The following RBFOX1 variants were observed in gnomAD, a reference collection of about 807,000 sequenced individuals.
RBFOX1 encodes the protein RNA binding fox-1 homolog 1, also known as RNA binding protein fox-1 homolog 1.
RBFOX1 carries 8 observed loss-of-function variants against 57.7 expected under a neutral mutation model. The observed-to-expected ratio is 0.14, with a 90% CI of 0.08 to 0.25. The LOEUF is 0.25. Ranked by LOEUF, RBFOX1 falls within the 10% of genes least tolerant of loss-of-function variation. The pLI is 1.00. For missense variants in RBFOX1, 611 were observed against 548.5 expected (o/e 1.11, Z -1.14); for synonymous variants, 326 against 222.4 (o/e 1.47, Z -4.15).
chr16:6,534,905 T>C (rs1339150313), intron 2 of RBFOX1, among the ~76,000 whole-genome samples: 1 of 152,158 alleles, frequency 6.6e-6, no homozygotes, highest in Non-Finnish European at 1.5e-5. Context: ...ATCCTAGTGG[T>C]CAAGCCTGGT....
intron 4 of RBFOX1, among the ~76,000 whole-genome samples, chr16:5,909,944 T>C (rs1383343788): frequency 6.6e-6 from 1 of 151,816 alleles, no homozygotes; most frequent in Non-Finnish European, 1.5e-5. Context: ...TCCCAGCTAC[T>C]CAGGAGGCTA....
At chr16:7,555,582 G>A (rs769112992) in intron 5 of RBFOX1, among the ~76,000 whole-genome samples, 5 of 152,144 alleles carry the variant, frequency 3.3e-5, no homozygotes, top group African/African-American at 4.8e-5. Flanking sequence ...ACAAAGACCT[G>A]CGTGACCTGT....
At chr16:7,561,873 A>G (rs1438025477) in intron 5 of RBFOX1, among the ~76,000 whole-genome samples, 1 of 152,184 alleles carries the variant, frequency 6.6e-6, no homozygotes, top group African/African-American at 2.4e-5. Flanking sequence ...CTTGCATAAT[A>G]TATTAGGGGG....
chr16:7,395,913 AG>A (rs1356731405), intron 4 of RBFOX1, among the ~76,000 whole-genome samples: 1 of 152,190 alleles, frequency 6.6e-6, no homozygotes, highest in Non-Finnish European at 1.5e-5. Context: ...AGTAAGTGCC[AG>A]GGTTATCCAA....
intron 3 of RBFOX1, among the ~76,000 whole-genome samples, chr16:6,804,518 C>A (rs1055737276): frequency 6.6e-6 from 1 of 152,042 alleles, no homozygotes; most frequent in Non-Finnish European, 1.5e-5. Context: ...TAATCTTCAT[C>A]CTACAAATAA....
intron 3 of RBFOX1, among the ~76,000 whole-genome samples, chr16:7,013,351 C>A (rs932415403): frequency 6.6e-6 from 1 of 152,128 alleles, no homozygotes. Flanking sequence ...AAACATAAAC[C>A]AGTCCCTCTC....
chr16:6,936,024 G>T (rs559078559), intron 3 of RBFOX1, among the ~76,000 whole-genome samples: 2 of 152,184 alleles, frequency 1.3e-5, no homozygotes, highest in African/African-American at 2.4e-5. Context: ...ATAATGGCAA[G>T]AGGGTTTCTT....
At chr16:5,592,809 C>T (rs1245469684) in intron 2 of RBFOX1, among the ~76,000 whole-genome samples, 1 of 152,166 alleles carries the variant, frequency 6.6e-6, no homozygotes, top group Non-Finnish European at 1.5e-5. Flanking sequence ...TTTCTCTTGG[C>T]GTCCAGAATT....
intron 2 of RBFOX1, among the ~76,000 whole-genome samples, chr16:6,376,368 A>G (rs150318721): frequency 4.5e-4 from 69 of 152,314 alleles, no homozygotes; most frequent in African/African-American, 1.6e-3. Context: ...TTAAAAAAGC[A>G]GACATCCATT....
At chr16:7,549,642 G>C (rs1392078392) in intron 5 of RBFOX1, among the ~76,000 whole-genome samples, 1 of 152,180 alleles carries the variant, frequency 6.6e-6, no homozygotes, top group African/African-American at 2.4e-5. Context: ...CCTGGAGTCT[G>C]TTGTTCAAGG....
At chr16:7,096,112 A>G (rs1160198764) in intron 4 of RBFOX1, among the ~76,000 whole-genome samples, 1 of 152,218 alleles carries the variant, frequency 6.6e-6, no homozygotes. Flanking sequence ...CCCAGGAGAC[A>G]TGATATGATC....
chr16:6,110,235 T>C (rs2096430579), intron 1 of RBFOX1, among the ~76,000 whole-genome samples: 1 of 150,872 alleles, frequency 6.6e-6, no homozygotes, highest in African/African-American at 2.4e-5. Context: ...TTTAGCTCTC[T>C]GGTACCCTGG....
chr16:5,869,206 T>C (rs1285461909), intron 4 of RBFOX1, among the ~76,000 whole-genome samples: 1 of 152,118 alleles, frequency 6.6e-6, no homozygotes, highest in African/African-American at 2.4e-5. Context: ...CATGAAGGAC[T>C]GATTGCGCTT....
chr16:7,155,173 A>G (rs1368986008), intron 4 of RBFOX1, among the ~76,000 whole-genome samples: 1 of 152,188 alleles, frequency 6.6e-6, no homozygotes, highest in African/African-American at 2.4e-5. Context: ...TACTACCACA[A>G]GATTTATTTT....
chr16:7,709,609 T>A, intron 15 of RBFOX1: 1 of 1,531,726 alleles, frequency 6.5e-7, no homozygotes, highest in Non-Finnish European at 8.7e-7. Context: ...ACAATTCATG[T>A]TTAAAGTCAT....
rs552080542 is a variant in RBFOX1, at chr16:7,672,391, G to C, written c.931-4383G>C. Among the ~76,000 whole-genome samples, 7 of 152,290 alleles carry C rather than the reference G, an allele frequency of 4.6e-5. No individual in the cohort carries two copies. In the South Asian group the frequency reaches 1.5e-3, roughly 32 times the overall value. On this transcript the variant is annotated intron_variant, in intron 13 of 15. Transcript: ENST00000550418. ...AATTCCCTTTTTTCTTCAGTATTAT[G>C]AGTGAATTACGAAAGTACTTTTTGT...
intron 4 of RBFOX1, among the ~76,000 whole-genome samples, chr16:7,341,634 C>G (rs1042385414): frequency 3.3e-5 from 5 of 152,090 alleles, no homozygotes; most frequent in Admixed American, 2.6e-4. Flanking sequence ...AGATGGCTTC[C>G]TACAGAGAGA....
At chr16:7,521,369 T>C (rs1017930210) in intron 5 of RBFOX1, among the ~76,000 whole-genome samples, 2 of 152,116 alleles carry the variant, frequency 1.3e-5, no homozygotes, top group Non-Finnish European at 2.9e-5. Flanking sequence ...TTATAAGCAA[T>C]GGGAAACCAT....
intron 4 of RBFOX1, among the ~76,000 whole-genome samples, chr16:5,984,077 CCCT>C (rs1169698742): frequency 1.9e-4 from 9 of 46,526 alleles, no homozygotes; most frequent in African/African-American, 1.1e-3. Context: ...CTCCCACTCC[CCCT>C]CCTCCTCCTC....
Sources: allele counts gnomAD v4.1 joint callset (sites outside exome capture counted in the v4.1 genomes callset), GRCh38; gene constraint gnomAD v4.1.1; transcripts MANE v1.5; gene names NCBI Gene and HGNC (gene_info 2026-07-23, HGNC 2026-07-21).